The following COL26A1 variants were observed in gnomAD, a reference collection of about 807,000 sequenced individuals.
COL26A1 encodes collagen type XXVI alpha 1 chain.
COL26A1 carries 41 observed loss-of-function variants against 59.3 expected under a neutral mutation model. The ratio of observed to expected loss-of-function variants is 0.69; its 90% CI spans 0.54 to 0.90. The LOEUF is 0.90. COL26A1 is among the 40% of genes least tolerant of loss of function. The pLI is 0.00. For missense variants in COL26A1, 612 were observed against 602.3 expected (o/e 1.02, Z -0.17); for synonymous variants, 266 against 256.0 (o/e 1.04, Z -0.37).
chr7:101,457,542 T>A (rs1468903216), intron 3 of COL26A1, among the ~76,000 whole-genome samples: 1 of 152,174 alleles, frequency 6.6e-6, no homozygotes, highest in African/African-American at 2.4e-5. Context: ...ATTCCTTCCA[T>A]GTTCAGCTTG....
chr7:101,550,950 C>G (rs1317638164), intron 9 of COL26A1, among the ~76,000 whole-genome samples, 158 bp from the exon 10 acceptor site: 2 of 152,176 alleles, frequency 1.3e-5, no homozygotes, highest in Non-Finnish European at 2.9e-5. Flanking sequence ...GGACTGGAGG[C>G]CTTTGAGTCT....
chr7:101,368,620 G>GGAAA (rs1348996822), intron 1 of COL26A1, among the ~76,000 whole-genome samples: 1 of 151,972 alleles, frequency 6.6e-6, no homozygotes, highest in African/African-American at 2.4e-5. Context: ...CTAGGTTGTT[G>GGAAA]GGTTGTTGCC....
intron 6 of COL26A1, 104 bp downstream of exon 6, chr7:101,544,200 T>C (rs950489250): frequency 6.5e-6 from 5 of 769,508 alleles, no homozygotes; most frequent in Non-Finnish European, 1.0e-5. Context: ...ACAGCCCTGA[T>C]CTTGCTGGGT....
At chr7:101,446,682 A>G (rs1384875384) in intron 2 of COL26A1, among the ~76,000 whole-genome samples, 2 of 152,194 alleles carry the variant, frequency 1.3e-5, no homozygotes, top group Admixed American at 1.3e-4. Flanking sequence ...CCCTGTCTCT[A>G]CCAAAAATAC....
intron 2 of COL26A1, among the ~76,000 whole-genome samples, chr7:101,430,177 C>T (rs1792746553): frequency 6.6e-6 from 1 of 152,082 alleles, no homozygotes; most frequent in Non-Finnish European, 1.5e-5. Flanking sequence ...AAATCTTATA[C>T]TTATTTTGTT....
At chr7:101,532,113 C>A (rs985954082) in intron 3 of COL26A1, among the ~76,000 whole-genome samples, 1 of 152,074 alleles carries the variant, frequency 6.6e-6, no homozygotes, top group Non-Finnish European at 1.5e-5. Flanking sequence ...CCATCTATTT[C>A]ATCATTAAAG....
intron 3 of COL26A1, among the ~76,000 whole-genome samples, chr7:101,506,458 C>T (rs373398615): frequency 1.1e-4 from 16 of 152,238 alleles, no homozygotes; most frequent in African/African-American, 2.7e-4. Context: ...AGAAACCAAA[C>T]GGGTCCAGAT....
rs1486611333 is a variant in COL26A1, at chr7:101,544,069, G to A, written c.676G>A (p.Gly226Arg). The change falls in exon 6 of 13, where the codon GGA (glycine) becomes AGA (arginine). Residue 226 changes from glycine to arginine, a missense_variant. By Grantham distance (125) the Gly-to-Arg change is moderately radical. Transcript: ENST00000313669. Reference sequence around the variant, plus strand: ...GTCTAAAGGTGACCGAGGCCAGACAGGAGAGAAGGGTCCAGCGGGGCCGCC... The same window carrying A: ...GTCTAAAGGTGACCGAGGCCAGACAAGAGAGAAGGGTCCAGCGGGGCCGCC... The part of the protein sequence containing the change: ...PGSKGDRGQT[G>R]EKGPAGPPGL... The A allele has an allele frequency of 6.2e-7, 1 of 1,606,204 alleles. No homozygotes were observed. Among genetic ancestry groups the A allele is most frequent in the Non-Finnish European group, 8.5e-7 (1 of 1,176,904 alleles).
At chr7:101,547,693 G>A (rs528818742) in intron 8 of COL26A1, among the ~76,000 whole-genome samples, 25 of 152,318 alleles carry the variant, frequency 1.6e-4, no homozygotes, top group African/African-American at 4.3e-4. Flanking sequence ...CTTTCTGCCC[G>A]GGAAGGGAGT....
chr7:101,412,631 C>T (rs990745478), intron 1 of COL26A1, among the ~76,000 whole-genome samples: 11 of 127,092 alleles, frequency 8.7e-5, no homozygotes, highest in Admixed American at 7.1e-4. Flanking sequence ...GGCCACAGAG[C>T]GAGACTCCGT....
At chr7:101,438,073 C>A (rs1313111507) in intron 2 of COL26A1, among the ~76,000 whole-genome samples, 1 of 148,572 alleles carries the variant, frequency 6.7e-6, no homozygotes, top group Non-Finnish European at 1.5e-5. Context: ...TTAAAAACGT[C>A]ACTTGGAGCT....
chr7:101,467,372 TG>T (rs1793789520), intron 3 of COL26A1, among the ~76,000 whole-genome samples: 2 of 98,924 alleles, frequency 2.0e-5, no homozygotes, highest in East Asian at 3.1e-4. Context: ...GGGGGGAGGA[TG>T]GGGGGTGGTT....
At chr7:101,477,973 A>T (rs76566547) in intron 3 of COL26A1, among the ~76,000 whole-genome samples, 5,951 of 151,820 alleles carry the variant, frequency 0.039, 185 homozygotes, top group Middle Eastern at 0.061. Context: ...TTGTCCATTG[A>T]TATTTCTTTT....
intron 3 of COL26A1, among the ~76,000 whole-genome samples, chr7:101,499,878 T>C (rs1011495225): frequency 2.8e-5 from 2 of 72,562 alleles, no homozygotes; most frequent in African/African-American, 3.3e-4. Context: ...AGTCCCTGCC[T>C]TAAAAAAAAA....
intron 3 of COL26A1, among the ~76,000 whole-genome samples, chr7:101,523,048 G>C (rs759529532): frequency 6.6e-6 from 1 of 151,612 alleles, no homozygotes; most frequent in Non-Finnish European, 1.5e-5. Flanking sequence ...TCTCTTAATG[G>C]TGTCTTTTGA....
At chr7:101,415,156 C>G (rs75826527) in intron 1 of COL26A1, among the ~76,000 whole-genome samples, 3 of 104,672 alleles carry the variant, frequency 2.9e-5, no homozygotes, top group Admixed American at 9.4e-5. Context: ...TAACCCCCCC[C>G]CTTTTTTTTT....
chr7:101,517,076 A>C (rs773563415), intron 3 of COL26A1, among the ~76,000 whole-genome samples: 8 of 152,090 alleles, frequency 5.3e-5, no homozygotes, highest in Non-Finnish European at 8.8e-5. Context: ...CTGAGACTCA[A>C]GGAGTCTCCT....
intron 3 of COL26A1, among the ~76,000 whole-genome samples, chr7:101,471,485 A>T (rs1793898584): frequency 6.6e-6 from 1 of 152,184 alleles, no homozygotes; most frequent in African/African-American, 2.4e-5. Flanking sequence ...CAGAAAGCAG[A>T]AGGAATACAC....
At chr7:101,525,170 T>C (rs966335766) in intron 3 of COL26A1, among the ~76,000 whole-genome samples, 2 of 134,606 alleles carry the variant, frequency 1.5e-5, no homozygotes, top group South Asian at 2.4e-4. Context: ...TTGACTTCAT[T>C]CTTTTTTTTT....
Sources: allele counts gnomAD v4.1 joint callset (sites outside exome capture counted in the v4.1 genomes callset), GRCh38; gene constraint gnomAD v4.1.1; transcripts MANE v1.5; gene names NCBI Gene and HGNC (gene_info 2026-07-23, HGNC 2026-07-21).